Variants in SDF4 observed in about 807,000 individuals in gnomAD.
SDF4 encodes 45 kDa calcium-binding protein.
In SDF4, 22 loss-of-function variants were observed where a neutral mutation model predicts 34.2. The observed-to-expected ratio is 0.64, with a 90% CI of 0.46 to 0.92. SDF4 has a LOEUF of 0.92. SDF4 is among the 40% of genes least tolerant of loss of function. The pLI, the probability that SDF4 is intolerant of heterozygous loss-of-function variation, is 0.00. For synonymous variants in SDF4, 236 were observed against 203.1 expected (o/e 1.16, Z -1.38); for missense variants, 447 against 499.9 (o/e 0.89, Z 1.01).
intron 4 of SDF4, 168 bp downstream of exon 4, chr1:1,223,076 C>T (rs536895563): frequency 3.1e-5 from 19 of 617,234 alleles, no homozygotes; most frequent in East Asian, 2.5e-4. Context: ...CACGTACTCA[C>T]GAGCACGCGC....
At chr1:1,220,899 G>T (rs575681118) in intron 4 of SDF4, 1 of 496,570 alleles carries the variant, frequency 2.0e-6, no homozygotes, top group East Asian at 7.1e-5. Flanking sequence ...CGGGACCGGG[G>T]TGGAGGCACG....
At chr1:1,225,719 ACGC>A (rs1638284116) in intron 2 of SDF4, among the ~76,000 whole-genome samples, 1 of 135,692 alleles carries the variant, frequency 7.4e-6, no homozygotes, top group Non-Finnish European at 1.6e-5. Flanking sequence ...CACGCTCCAC[ACGC>A]CACAGACACG....
chr1:1,225,182 G>A (rs1638260047), intron 2 of SDF4, among the ~76,000 whole-genome samples: 3 of 152,208 alleles, frequency 2.0e-5, no homozygotes, highest in African/African-American at 7.2e-5. Flanking sequence ...AGCCGCCCGT[G>A]TCCTGAGCTC....
chr1:1,228,674 G>A lies in SDF4; in HGVS notation c.99C>T (p.Asn33=). 1 of 1,613,084 alleles carries A rather than the reference G, an allele frequency of 6.2e-7. No homozygotes were observed. Among genetic ancestry groups the A allele is most frequent in the South Asian group, 1.1e-5 (1 of 91,086 alleles). The stretch of plus-strand genomic sequence containing the variant: ...CTACTCTCTCTCGAGTGGACGAGTG[G>A]TTGGCAGGCCGTGCAGACGCGTCCA... ...LLMDASARPA[N]HSSTRERVAN... The change falls in exon 2 of 7, where the codon AAC becomes AAT. Residue 33 remains asparagine, a synonymous_variant. Coordinates refer to ENST00000360001, the MANE Select transcript of SDF4 (RefSeq NM_016176.6).
chr1:1,217,436 C>T lies in SDF4; in HGVS notation c.*76G>A. On this transcript the variant is annotated 3_prime_UTR_variant, in exon 7 of 7. Coordinates refer to ENST00000360001, the MANE Select transcript of SDF4 (RefSeq NM_016176.6). This position sits in a 1 kb window ranked among gnomAD's most constrained non-coding sequence, Gnocchi z 8.5. ...GGCAGGGAAGAGGTGGGGTCCGGGA[C>T]AGCCACGGAGCCCGGAGTCACCCGC... The T allele has an allele frequency of 7.9e-7, 1 of 1,258,442 alleles. No homozygotes were observed. Among genetic ancestry groups the T allele is most frequent in the East Asian group, 3.6e-5 (1 of 27,836 alleles). 78.0% of individuals were successfully genotyped at this position (1,258,442 alleles called of 1,614,324 possible).
chr1:1,223,959 C>G lies in SDF4; in HGVS notation c.315G>C (p.Val105=), dbSNP rs1244840495. The change falls in exon 3 of 7, where the codon GTG becomes GTC. Residue 105 remains valine, a synonymous_variant. Coordinates refer to ENST00000360001, the MANE Select transcript of SDF4 (RefSeq NM_016176.6). Reference sequence around the variant, plus strand: ...TGGCACTGATCTTCCGGTCAGTGTTCACATCCACCCTGCAAGACAGCAAAT... The same window carrying G: ...TGGCACTGATCTTCCGGTCAGTGTTGACATCCACCCTGCAAGACAGCAAAT... ...KLMVIFSKVD[V]NTDRKISAKE... The G allele has an allele frequency of 1.2e-6, 2 of 1,610,930 alleles. No individual in the cohort carries two copies. The highest frequency in any genetic ancestry group is 2.2e-5 in the South Asian group (2 of 91,084).
intron 4 of SDF4, chr1:1,219,129 C>A: frequency 6.7e-7 from 1 of 1,488,024 alleles, no homozygotes. Flanking sequence ...TAACCCAGAG[C>A]CTCCCACAGG....
At position 1,228,458 on chromosome 1, in the gene SDF4, C is replaced by T. The variant is rs1418834572; in HGVS notation, c.305+10G>A. ...ACAGCCCCCCAGTCTGGGCACATGGCGGCACCTACTTGGAAAAGATGACCA... is the reference window on the plus strand; with the variant it reads ...ACAGCCCCCCAGTCTGGGCACATGGTGGCACCTACTTGGAAAAGATGACCA... On this transcript the variant is annotated intron_variant, in intron 2 of 6. Coordinates refer to ENST00000360001, the MANE Select transcript of SDF4 (RefSeq NM_016176.6). 1.3e-5 allele frequency: 20 copies of T among 1,591,362 alleles called. No individual in the cohort carries two copies. The highest frequency in any genetic ancestry group is 1.5e-5 in the Non-Finnish European group (17 of 1,167,520).
At chr1:1,220,602 C>T in intron 4 of SDF4, 1 of 1,288,576 alleles carries the variant, frequency 7.8e-7, no homozygotes, top group Non-Finnish European at 1.0e-6. Flanking sequence ...GGGCAGGGAA[C>T]AGCACCTCAG....
At chr1:1,222,337 C>A (rs1484235775) in intron 4 of SDF4, among the ~76,000 whole-genome samples, 1 of 152,234 alleles carries the variant, frequency 6.6e-6, no homozygotes, top group African/African-American at 2.4e-5. Context: ...TGCAGGGTGG[C>A]CCGGCTCTCC....
chr1:1,218,211 G>A lies in SDF4; in HGVS notation c.891+247C>T, dbSNP rs1185161474. ...AAAAAGGGGCTGTGAGAACCCTGAC[G>A]CCTCCGCAAGGGGCTGAGGATGGAG... On this transcript the variant is annotated intron_variant, in intron 6 of 6. Coordinates refer to ENST00000360001, the MANE Select transcript of SDF4 (RefSeq NM_016176.6). This position sits in a 1 kb window ranked among gnomAD's most constrained non-coding sequence, Gnocchi z 7.9. Among the ~76,000 whole-genome samples the A allele has an allele frequency of 1.3e-5, 2 of 152,216 alleles. No homozygotes were observed. Among genetic ancestry groups the A allele is most frequent in the African/African-American group, 2.4e-5 (1 of 41,464 alleles).
intron 1 of SDF4, among the ~76,000 whole-genome samples, chr1:1,231,242 G>A (rs1030277673): frequency 3.3e-5 from 5 of 152,212 alleles, no homozygotes; most frequent in Non-Finnish European, 7.3e-5. Flanking sequence ...ACCGGAATGG[G>A]GTTTCGACTT....
Position 1,217,759 on chromosome 1 carries a change from G to A in SDF4, c.892-71C>T. The A allele has an allele frequency of 6.2e-7, 1 of 1,604,638 alleles. No homozygotes were observed. ...AGCTCCGCGGCCAGCCGCACGAAGT[G>A]GCTATTTAAGGTGCCTATTGGCTGC... On this transcript the variant is annotated intron_variant, in intron 6 of 6. Coordinates refer to ENST00000360001, the MANE Select transcript of SDF4 (RefSeq NM_016176.6). The surrounding 1 kb of genome is among the most constrained non-coding windows in gnomAD (Gnocchi z 8.5).
At chr1:1,219,827 C>G (rs1343665035) in intron 4 of SDF4, 2 of 985,882 alleles carry the variant, frequency 2.0e-6, no homozygotes, top group Non-Finnish European at 2.4e-6. Context: ...AGGCCCGACT[C>G]TGCCCTGGCC....
intron 1 of SDF4, among the ~76,000 whole-genome samples, chr1:1,231,249 A>G (rs1570495701): frequency 6.6e-6 from 1 of 152,176 alleles, no homozygotes; most frequent in Non-Finnish European, 1.5e-5. Context: ...TGGGGTTTCG[A>G]CTTCGCCATC....
intron 2 of SDF4, among the ~76,000 whole-genome samples, chr1:1,225,734 G>A (rs1049354204): frequency 8.4e-6 from 1 of 119,522 alleles, no homozygotes; most frequent in Admixed American, 7.6e-5. Context: ...ACAGACACGG[G>A]CCACACACTC....
intron 4 of SDF4, among the ~76,000 whole-genome samples, chr1:1,221,703 A>G (rs555684205): frequency 6.6e-6 from 1 of 152,320 alleles, no homozygotes; most frequent in South Asian, 2.1e-4. Context: ...GCTCACGCCT[A>G]TAATCCCAGC....
At chr1:1,223,487 C>T in intron 3 of SDF4, 130 bp from the exon 4 acceptor site, 2 of 716,052 alleles carry the variant, frequency 2.8e-6, no homozygotes, top group Non-Finnish European at 4.6e-6. Context: ...CCCCAGGGCC[C>T]CGGCCAGCAC....
rs1649621960 is a variant in SDF4, at chr1:1,217,861, G to GGGGGCCCCGGAAGGCCTGCCC, written c.892-194_892-174dup. ...TGAAAACACAGGGCAGGGAGAAGCC[G>GGGGGCCCCGGAAGGCCTGCCC]GGGGCCCCGGAAGGCCTGCCCGGGG... is the stretch of plus-strand genomic sequence containing the variant. On this transcript the variant is annotated intron_variant, in intron 6 of 6. Coordinates refer to ENST00000360001, the MANE Select transcript of SDF4 (RefSeq NM_016176.6). The surrounding 1 kb of genome is among the most constrained non-coding windows in gnomAD (Gnocchi z 8.5). 1.0e-5 allele frequency: 15 copies of GGGGGCCCCGGAAGGCCTGCCC among 1,479,368 alleles called. 2 individuals are homozygous for GGGGGCCCCGGAAGGCCTGCCC. In the South Asian group the frequency reaches 2.0e-4, roughly 20 times the overall value. 91.6% of individuals were successfully genotyped at this position (1,479,368 alleles called of 1,614,324 possible). A position where few individuals can be genotyped will look rare whatever the true frequency, so the allele number is the denominator to read the frequency against.
Sources: gnomAD v4.1 joint callset for allele counts (sites outside exome capture counted in the v4.1 genomes callset) on GRCh38, gnomAD v4.1.1 for gene constraint, Gnocchi (gnomAD v3.1) non-coding constraint, MANE v1.5 for transcripts, NCBI Gene and HGNC (gene_info 2026-07-23, HGNC 2026-07-21) for gene names.